The following ZZEF1 variants were observed in gnomAD, a reference collection of about 807,000 sequenced individuals.
ZZEF1 encodes zinc finger ZZ-type and EF-hand domain containing 1.
In ZZEF1, 157 loss-of-function variants were observed where a neutral mutation model predicts 342.8. The observed-to-expected ratio is 0.46, with a 90% confidence interval of 0.40 to 0.52. ZZEF1 has a LOEUF of 0.52. ZZEF1 is among the 20% of genes least tolerant of loss of function. The probability of loss-of-function intolerance (pLI) is 0.00; values close to 1 mark genes in which losing one functional copy is unlikely to be tolerated. For synonymous variants in ZZEF1, 1,505 were observed against 1,429.1 expected (o/e 1.05, Z -1.20); for missense variants, 3,480 against 3,725.6 (o/e 0.93, Z 1.72).
chr17:4,060,218 CAAAATTGTCAGGCAATTCAGT>C (rs1001103039), intron 30 of ZZEF1, among the ~76,000 whole-genome samples: 9 of 152,214 alleles, frequency 5.9e-5, no homozygotes, highest in Non-Finnish European at 1.3e-4. Context: ...AATAAGCCCT[CAAAATTGTCAGGCAATTCAGT>C]AGACTGGCTT....
chr17:4,067,098 T>G (rs775897727), intron 27 of ZZEF1, 65 bp downstream of exon 27: 11 of 1,353,566 alleles, frequency 8.1e-6, no homozygotes, highest in Non-Finnish European at 1.1e-5. Flanking sequence ...CAATTCATCT[T>G]AATTCCATGA....
At chr17:4,092,621 TTAACA>T (rs1282651290) in intron 11 of ZZEF1, among the ~76,000 whole-genome samples, 1 of 152,180 alleles carries the variant, frequency 6.6e-6, no homozygotes, top group African/African-American at 2.4e-5. Context: ...ATGTCCCTTC[TTAACA>T]TAAGTCTTTC....
chr17:4,057,217 C>T (rs1030719778), intron 32 of ZZEF1, among the ~76,000 whole-genome samples: 2 of 152,212 alleles, frequency 1.3e-5, no homozygotes, highest in African/African-American at 4.8e-5. Context: ...CAGCCAAGAT[C>T]CACAGGCTCA....
chr17:4,025,101 C>G lies in ZZEF1; in HGVS notation c.6910G>C (p.Val2304Leu). The change falls in exon 43 of 55, where the codon GTC (valine) becomes CTC (leucine). Residue 2304 changes from valine to leucine, a missense_variant. Coordinates refer to ENST00000381638, the MANE Select transcript of ZZEF1 (RefSeq NM_015113.4). ...KRKTVKDYQL[V>L]QKGGGQECGD... ...CACTCTTGTCCTCCTCCCTTCTGGA[C>G]CAGCTGGTAGTCCTTCACTGAAGGG... The G allele has an allele frequency of 1.9e-6, 3 of 1,614,088 alleles. No homozygotes were observed. The highest frequency in any genetic ancestry group is 2.5e-6 in the Non-Finnish European group (3 of 1,180,010).
chr17:4,037,666 T>TA (rs1423875869), intron 39 of ZZEF1, among the ~76,000 whole-genome samples: 1 of 152,194 alleles, frequency 6.6e-6, no homozygotes, highest in Non-Finnish European at 1.5e-5. Context: ...TCCCTATGAC[T>TA]TCGACCTCCT....
rs1432312706 is a variant in ZZEF1 at position 4,014,565 on chromosome 17, C to A, written c.8146-50G>T. On this transcript the variant is annotated intron_variant, in intron 49 of 54. Coordinates refer to ENST00000381638, the MANE Select transcript of ZZEF1 (RefSeq NM_015113.4). The surrounding 1 kb of genome is among the most constrained non-coding windows in gnomAD (Gnocchi z 4.4). ...ATCTGTCGATGCTGCTCACTAGACA[C>A]TGACTGCAGCTGTCCCATGCCGAGT... The A allele has an allele frequency of 6.3e-7, 1 of 1,587,402 alleles. No individual in the cohort carries two copies. Among genetic ancestry groups the A allele is most frequent in the Admixed American group, 1.7e-5 (1 of 59,778 alleles).
At chr17:4,116,423 G>C (rs949020198) in intron 3 of ZZEF1, among the ~76,000 whole-genome samples, 3 of 152,154 alleles carry the variant, frequency 2.0e-5, no homozygotes, top group African/African-American at 7.2e-5. Flanking sequence ...ACTTTATCTG[G>C]TACTATGTTC....
Position 4,077,622 on chromosome 17 carries a change from T to G in ZZEF1, c.2989+261A>C, listed in dbSNP as rs115795985. ...ACATCACGTAAGAGTGCTATATGAT[T>G]GCAAAAGCAATATTTAGGCTGTGAA... On this transcript the variant is annotated intron_variant, in intron 19 of 54. Coordinates refer to ENST00000381638, the MANE Select transcript of ZZEF1 (RefSeq NM_015113.4). 2.1e-3 allele frequency among the ~76,000 whole-genome samples: 326 copies of G among 152,330 alleles called. 2 individuals carry two copies. Among genetic ancestry groups the G allele is most frequent in the Middle Eastern group, 0.014 (4 of 294 alleles).
At chr17:4,111,661 A>AAAAAAAAAAACAG (rs150016203) in intron 5 of ZZEF1, among the ~76,000 whole-genome samples, 1 of 139,026 alleles carries the variant, frequency 7.2e-6, no homozygotes, top group Non-Finnish European at 1.5e-5. Flanking sequence ...TCTGTCTCAA[A>AAAAAAAAAAACAG]AAAAAAATAT....
At chr17:4,056,013 G>A (rs936486391) in intron 33 of ZZEF1, among the ~76,000 whole-genome samples, 2 of 152,212 alleles carry the variant, frequency 1.3e-5, no homozygotes, top group African/African-American at 4.8e-5. Flanking sequence ...GATCGGACAG[G>A]AGGCGGAGCT....
At chr17:4,123,821 A>G (rs1310689382) in intron 2 of ZZEF1, 86 bp downstream of exon 2, 7 of 1,486,008 alleles carry the variant, frequency 4.7e-6, no homozygotes, top group Non-Finnish European at 2.7e-6. Context: ...AGTTTACTGC[A>G]TGTGGCCACA....
At chr17:4,104,936 C>T (rs545417419) in intron 7 of ZZEF1, 125 bp from the exon 8 acceptor site, 10 of 774,754 alleles carry the variant, frequency 1.3e-5, no homozygotes, top group East Asian at 8.6e-5. Flanking sequence ...CAGGTTTATC[C>T]GAAATATTTT....
Position 4,050,867 on chromosome 17 carries a change from G to T in ZZEF1, c.5777C>A (p.Pro1926His), listed in dbSNP as rs2057029929. ...AEDVDGEKLD[P>H]QTRSSATTLR... Reference sequence around the variant, plus strand: ...GGTGGTGGCACTGCTGCGCGTCTGGGGGTCCAGCTTCTCCCCATCCACATC... The same window carrying T: ...GGTGGTGGCACTGCTGCGCGTCTGGTGGTCCAGCTTCTCCCCATCCACATC... Residue 1926 changes from proline to histidine, a missense_variant, in exon 36 of 55, where the codon CCC (proline) becomes CAC (histidine). Physicochemically the swap from Pro to His is moderately conservative, Grantham distance 77. Coordinates refer to ENST00000381638, the MANE Select transcript of ZZEF1 (RefSeq NM_015113.4). 6.8e-6 allele frequency: 11 copies of T among 1,614,090 alleles called. No individual in the cohort carries two copies. The highest frequency in any genetic ancestry group is 1.7e-5 in the Admixed American group (1 of 60,004).
intron 4 of ZZEF1, among the ~76,000 whole-genome samples, chr17:4,113,590 T>G (rs1056783674): frequency 2.0e-5 from 3 of 151,274 alleles, no homozygotes; most frequent in African/African-American, 7.3e-5. Flanking sequence ...GCTTGAGCCT[T>G]GGAGATGGAG....
At position 4,032,981 on chromosome 17, in the gene ZZEF1, C is replaced by T. The variant is rs772030248; in HGVS notation, c.6606G>A (p.Ala2202=). 39 of 1,585,950 alleles carry T rather than the reference C, an allele frequency of 2.5e-5. No homozygotes were observed. The highest frequency in any genetic ancestry group is 2.4e-4 in the South Asian group (21 of 87,552). Residue 2202 remains alanine (A), a synonymous_variant, in exon 41 of 55, where the codon GCG becomes GCA. Coordinates refer to ENST00000381638, the MANE Select transcript of ZZEF1 (RefSeq NM_015113.4). ...ACCGCAGGATCTCTGCCATGGAGCA[C>T]GCCCAGTCCAAGCCCACCCGGCTGG... The part of the protein sequence containing the change: ...CLDSRVGLDW[A]CSMAEILRSL...
chr17:4,054,122 G>A lies in ZZEF1; in HGVS notation c.5369C>T (p.Ala1790Val). Residue 1790 changes from alanine (A) to valine (V), a missense_variant, in exon 34 of 55, where the codon GCC becomes GTC. Coordinates refer to ENST00000381638, the MANE Select transcript of ZZEF1 (RefSeq NM_015113.4). ...DISCDGCDEI[A>V]PWHRYRCLQC... Reference sequence around the variant, plus strand: ...CAGACAGCGGTATCGATGCCAGGGGGCAATCTCATCACACCCATCACAAGA... The same window carrying A: ...CAGACAGCGGTATCGATGCCAGGGGACAATCTCATCACACCCATCACAAGA... 4 of 1,613,630 alleles carry A rather than the reference G, an allele frequency of 2.5e-6. No homozygotes were observed. The highest frequency in any genetic ancestry group is 3.4e-6 in the Non-Finnish European group (4 of 1,179,774).
chr17:4,009,916 G>A (rs997707495), intron 52 of ZZEF1, among the ~76,000 whole-genome samples, 159 bp from the exon 53 acceptor site: 4 of 152,126 alleles, frequency 2.6e-5, no homozygotes, highest in Non-Finnish European at 5.9e-5. Flanking sequence ...AAGCAGCCAC[G>A]AATAGTCACC....
rs147145704 is a variant in ZZEF1 at position 4,064,564 on chromosome 17, A to G, written c.4515T>C (p.Ala1505=). The stretch of plus-strand genomic sequence containing the variant: ...CAGCTGTGGCAGGGGACACGTCTGC[A>G]GCAGGAAGGCCACTGCTGGATGGCA... ...PKLPSSSGLP[A]ADVSPATAEE... The change falls in exon 29 of 55, where the codon GCT becomes GCC. Residue 1505 remains alanine, a synonymous_variant. Coordinates refer to ENST00000381638, the MANE Select transcript of ZZEF1 (RefSeq NM_015113.4). 1.9e-6 allele frequency: 3 copies of G among 1,614,076 alleles called. No homozygotes were observed. The African/African-American group carries it at 4.0e-5, about 22-fold the overall frequency.
chr17:4,007,151 A>C (rs2055820727), intron 54 of ZZEF1, among the ~76,000 whole-genome samples, 181 bp from the exon 55 acceptor site: 1 of 152,194 alleles, frequency 6.6e-6, no homozygotes, highest in Admixed American at 6.5e-5. Flanking sequence ...AGAGCACATG[A>C]AAGCTCCAAA....
Sources: allele counts gnomAD v4.1 joint callset (sites outside exome capture counted in the v4.1 genomes callset), GRCh38; gene constraint gnomAD v4.1.1; non-coding constraint Gnocchi (gnomAD v3.1); transcripts MANE v1.5; gene names NCBI Gene and HGNC (gene_info 2026-07-23, HGNC 2026-07-21).